MBD5: variants seen among roughly 807,000 people sequenced by gnomAD.
The protein encoded by MBD5 is methyl-CpG binding domain protein 5.
A neutral mutation model predicts 117.3 loss-of-function variants in MBD5; 13 were observed. The ratio of observed to expected loss-of-function variants is 0.11; its 90% CI spans 0.07 to 0.18. The LOEUF (loss-of-function observed/expected upper bound fraction) is 0.18, where lower values mean the gene tolerates loss of function less well. MBD5 is among the 10% of genes least tolerant of loss of function. MBD5 has a pLI of 1.00. For synonymous variants in MBD5, 727 were observed against 766.4 expected, an observed-to-expected ratio of 0.95 and a Z score of 0.85; for missense variants, 1,879 against 2,093.8, an observed-to-expected ratio of 0.90 and a Z score of 2.00.
intron 3 of MBD5, among the ~76,000 whole-genome samples, chr2:148,249,901 C>A (rs1027822941): frequency 6.6e-6 from 1 of 152,042 alleles, no homozygotes; most frequent in South Asian, 2.1e-4. Context: ...GCTTCACATC[C>A]GACAGTGCAC....
At chr2:148,396,736 T>C (rs997338548) in intron 4 of MBD5, among the ~76,000 whole-genome samples, 2 of 152,200 alleles carry the variant, frequency 1.3e-5, no homozygotes, top group Middle Eastern at 6.8e-3. Context: ...GGGAAGTGAG[T>C]GAGACTGGGG....
At chr2:148,498,524 G>A (rs184388085) in intron 11 of MBD5, among the ~76,000 whole-genome samples, 18 of 152,226 alleles carry the variant, frequency 1.2e-4, no homozygotes, top group Non-Finnish European at 2.4e-4. Flanking sequence ...TTTTAGTAAA[G>A]ACAGAGTTTT....
chr2:148,195,676 G>A (rs1316464158), intron 2 of MBD5, among the ~76,000 whole-genome samples: 1 of 152,068 alleles, frequency 6.6e-6, no homozygotes, highest in East Asian at 1.9e-4. Flanking sequence ...AATTTTTAAA[G>A]ATTGAAGTCA....
intron 4 of MBD5, among the ~76,000 whole-genome samples, chr2:148,384,045 T>A (rs1053897315): frequency 6.6e-6 from 1 of 152,118 alleles, no homozygotes; most frequent in Non-Finnish European, 1.5e-5. Context: ...CTTTGAAAAC[T>A]GGCACAAGAC....
chr2:148,365,038 C>G (rs1703656687), intron 4 of MBD5, among the ~76,000 whole-genome samples: 1 of 152,188 alleles, frequency 6.6e-6, no homozygotes, highest in African/African-American at 2.4e-5. Flanking sequence ...AATATACATT[C>G]TTCTCAGCAC....
At chr2:148,252,151 G>T (rs949187135) in intron 3 of MBD5, among the ~76,000 whole-genome samples, 2 of 152,096 alleles carry the variant, frequency 1.3e-5, no homozygotes, top group Admixed American at 6.6e-5. Context: ...GCTGTCCAGA[G>T]TATCTGAAGT....
intron 3 of MBD5, among the ~76,000 whole-genome samples, chr2:148,341,700 G>T (rs1392116135): frequency 6.6e-6 from 1 of 151,846 alleles, no homozygotes; most frequent in Non-Finnish European, 1.5e-5. Context: ...TTTGAAGTTA[G>T]ACTATTTAAT....
chr2:148,197,060 G>T (rs1699007297), intron 2 of MBD5, among the ~76,000 whole-genome samples: 1 of 152,118 alleles, frequency 6.6e-6, no homozygotes, highest in South Asian at 2.1e-4. Context: ...TCAAGAGGTA[G>T]ATTCCATTTC....
At chr2:148,512,848 T>G (rs772058435) in intron 13 of MBD5, 22 bp from the exon 14 acceptor site, 1 of 1,608,736 alleles carries the variant, frequency 6.2e-7, no homozygotes, top group South Asian at 1.1e-5. Flanking sequence ...TTGTTGTTTT[T>G]TTTCTACCTT....
At chr2:148,510,328 T>A (rs1209975060) in intron 13 of MBD5, among the ~76,000 whole-genome samples, 193 bp downstream of exon 13, 1 of 152,238 alleles carries the variant, frequency 6.6e-6, no homozygotes, top group Non-Finnish European at 1.5e-5. Context: ...ATTAACTATG[T>A]CTTTCTTCCT....
intron 1 of MBD5, among the ~76,000 whole-genome samples, chr2:148,114,668 G>A (rs16828270): frequency 0.31 from 46,861 of 151,978 alleles, 8,370 homozygotes; most frequent in East Asian, 0.46. Flanking sequence ...AGGTCTGGAC[G>A]TGAGAATAAG....
intron 1 of MBD5, among the ~76,000 whole-genome samples, chr2:148,139,491 C>T (rs1355586695): frequency 3.3e-5 from 5 of 152,120 alleles, no homozygotes; most frequent in Non-Finnish European, 7.4e-5. Context: ...GGATTACAGG[C>T]GTGAGCCACT....
At chr2:148,301,335 A>C (rs1353881365) in intron 3 of MBD5, among the ~76,000 whole-genome samples, 5 of 152,184 alleles carry the variant, frequency 3.3e-5, no homozygotes, top group Non-Finnish European at 7.4e-5. Flanking sequence ...TGGATGGGAA[A>C]TTGTTAGAGG....
At chr2:148,216,350 G>A (rs1013380225) in intron 2 of MBD5, among the ~76,000 whole-genome samples, 3 of 152,172 alleles carry the variant, frequency 2.0e-5, no homozygotes, top group Non-Finnish European at 4.4e-5. Context: ...GATGAGCTAC[G>A]AAACTACCCC....
intron 3 of MBD5, among the ~76,000 whole-genome samples, chr2:148,305,393 A>G (rs1479986637): frequency 1.3e-5 from 2 of 152,222 alleles, no homozygotes; most frequent in Admixed American, 1.3e-4. Flanking sequence ...TCAGGCATTT[A>G]ATGAGTGGCA....
At chr2:148,389,186 GGTGTGTGTGTGTGT>G (rs70995313) in intron 4 of MBD5, among the ~76,000 whole-genome samples, 4 of 89,590 alleles carry the variant, frequency 4.5e-5, no homozygotes, top group Admixed American at 1.4e-4. Flanking sequence ...AGTATTCCGT[GGTGTGTGTGTGTGT>G]GTGTGTGTGT....
intron 3 of MBD5, among the ~76,000 whole-genome samples, chr2:148,291,029 A>G (rs1464215450): frequency 6.6e-6 from 1 of 152,136 alleles, no homozygotes. Context: ...TGCTTTATTT[A>G]TCTGTCATGT....
intron 1 of MBD5, among the ~76,000 whole-genome samples, chr2:148,059,547 A>G (rs1422009559): frequency 2.6e-5 from 4 of 152,186 alleles, no homozygotes; most frequent in East Asian, 1.9e-4. Flanking sequence ...TTACTTTTCA[A>G]TTAAGAAATG....
chr2:148,046,481 C>G (rs1378397202), intron 1 of MBD5, among the ~76,000 whole-genome samples: 1 of 152,074 alleles, frequency 6.6e-6, no homozygotes, highest in Non-Finnish European at 1.5e-5. Context: ...TCATTAACAT[C>G]TCCCACAAAC....
Sources: allele counts gnomAD v4.1 joint callset (sites outside exome capture counted in the v4.1 genomes callset), GRCh38; gene constraint gnomAD v4.1.1; transcripts MANE v1.5; gene names NCBI Gene and HGNC (gene_info 2026-07-23, HGNC 2026-07-21).